USP7: variants seen among roughly 807,000 people sequenced by gnomAD.
USP7 encodes ubiquitin C-terminal hydrolase 7.
USP7 carries 9 observed loss-of-function variants against 162.9 expected under a neutral mutation model. That is an observed-to-expected ratio of 0.06 (90% confidence interval 0.03 to 0.10). The LOEUF is 0.10. Among genes scored for constraint, USP7 ranks in the 10% least tolerant of loss-of-function variants. The probability of loss-of-function intolerance (pLI) is 1.00; values close to 1 mark genes in which losing one functional copy is unlikely to be tolerated. For synonymous variants in USP7, 562 were observed against 475.9 expected, an observed-to-expected ratio of 1.18 and a Z score of -2.35; for missense variants, 715 against 1,373.7, an observed-to-expected ratio of 0.52 and a Z score of 7.58.
intron 1 of USP7, among the ~76,000 whole-genome samples, chr16:8,946,341 G>A (rs532462480): frequency 6.6e-6 from 1 of 152,176 alleles, no homozygotes; most frequent in Non-Finnish European, 1.5e-5. Context: ...AGCACTTTGA[G>A]AGGCTGAGGC....
intron 11 of USP7, among the ~76,000 whole-genome samples, chr16:8,909,912 C>T (rs1174569210): frequency 6.6e-6 from 1 of 151,892 alleles, no homozygotes; most frequent in Non-Finnish European, 1.5e-5. Context: ...GGGAACAGAC[C>T]GAGTCTCCGT....
chr16:8,930,179 C>G, intron 2 of USP7, 114 bp downstream of exon 2: 1 of 727,422 alleles, frequency 1.4e-6, no homozygotes, highest in Non-Finnish European at 2.2e-6. Flanking sequence ...CTCCTGAAAA[C>G]TAGCTACGCT....
At chr16:8,930,659 A>G (rs1242739751) in intron 1 of USP7, among the ~76,000 whole-genome samples, 1 of 152,170 alleles carries the variant, frequency 6.6e-6, no homozygotes, top group Non-Finnish European at 1.5e-5. Flanking sequence ...ATTCTGCACA[A>G]AACTTTTTAT....
At position 8,902,162 on chromosome 16, in the gene USP7, T is replaced by C; in HGVS notation, c.1967A>G (p.Asn656Ser). The stretch of plus-strand genomic sequence containing the variant: ...TGTTTCCAGGAATATTGTCCAAGGG[T>C]TTTCATTATCACTGAGCTCAATCAT... The part of the protein sequence containing the change: ...KTMIELSDNE[N>S]PWTIFLETVD... Residue 656 changes from asparagine to serine, a missense_variant, in exon 18 of 31, where the codon AAC (asparagine) becomes AGC (serine). Asn to Ser is a conservative substitution (Grantham distance 46). Around this residue, in one of 11 missense-constraint regions of USP7, gnomAD observed 197 missense variants for 306.5 expected, o/e 0.64. Transcript: ENST00000344836. 6.2e-7 allele frequency: 1 copy of C among 1,613,958 alleles called. No individual in the cohort carries two copies. Among genetic ancestry groups the C allele is most frequent in the South Asian group, 1.1e-5 (1 of 91,056 alleles).
At position 8,910,722 on chromosome 16, in the gene USP7, C is replaced by A. The variant is rs368803400; in HGVS notation, c.1161+23G>T. ...TAAAGAAGAACGCTACAACAGGACACTAGCACAAAACACTCAATTTACCTG... is the reference window on the plus strand; with the variant it reads ...TAAAGAAGAACGCTACAACAGGACAATAGCACAAAACACTCAATTTACCTG... On this transcript the variant is annotated intron_variant, in intron 11 of 30. Coordinates refer to ENST00000344836, the MANE Select transcript of USP7 (RefSeq NM_003470.3). 5.9e-5 allele frequency: 95 copies of A among 1,607,604 alleles called. 1 individual carries two copies. Among genetic ancestry groups the A allele is most frequent in the Non-Finnish European group, 7.5e-5 (88 of 1,174,980 alleles).
rs757242368 is a variant in USP7 at position 8,892,218 on chromosome 16, C to T, written c.*1780G>A. 2.6e-5 allele frequency: 4 copies of T among 152,202 alleles called. No homozygotes were observed. The highest frequency in any genetic ancestry group is 9.7e-5 in the African/African-American group (4 of 41,420). 9.4% of individuals were successfully genotyped at this position (152,202 alleles called of 1,614,324 possible). ...CCTTAATGTTTGTTCAAAGACAAAC[C>T]CACAGCGAACGGCTCTCGCACCCCT... is the stretch of plus-strand genomic sequence containing the variant. On this transcript the variant is annotated 3_prime_UTR_variant, in exon 31 of 31. Transcript: ENST00000344836.
chr16:8,895,472 G>A (rs1352265542), intron 27 of USP7, among the ~76,000 whole-genome samples, 170 bp downstream of exon 27: 1 of 152,158 alleles, frequency 6.6e-6, no homozygotes, highest in Non-Finnish European at 1.5e-5. Context: ...CCAAACTGAG[G>A]ACTAATTTCT....
chr16:8,938,409 C>T (rs948947956), intron 1 of USP7, among the ~76,000 whole-genome samples: 8 of 151,748 alleles, frequency 5.3e-5, no homozygotes, highest in African/African-American at 1.9e-4. Context: ...TTCAACAAAC[C>T]GCACATCAAA....
chr16:8,932,950 A>T (rs1898457411), intron 1 of USP7, among the ~76,000 whole-genome samples: 1 of 147,494 alleles, frequency 6.8e-6, no homozygotes, highest in African/African-American at 2.5e-5. Context: ...TTCCAATGGA[A>T]TTTTTTTTTT....
At chr16:8,927,029 G>T (rs1335187301) in intron 2 of USP7, among the ~76,000 whole-genome samples, 1 of 152,154 alleles carries the variant, frequency 6.6e-6, no homozygotes, top group African/African-American at 2.4e-5. Context: ...CAAAAAGAAA[G>T]GTAGGCCGGG....
At chr16:8,960,231 C>T (rs1270381295) in intron 1 of USP7, among the ~76,000 whole-genome samples, 2 of 152,210 alleles carry the variant, frequency 1.3e-5, no homozygotes, top group African/African-American at 4.8e-5. Flanking sequence ...TAGAAACATG[C>T]AACTGGCTGC....
At chr16:8,957,929 G>C (rs1016081438) in intron 1 of USP7, among the ~76,000 whole-genome samples, 1 of 152,006 alleles carries the variant, frequency 6.6e-6, no homozygotes, top group Admixed American at 6.6e-5. Context: ...TTACATTAAC[G>C]TTAAAAGCAA....
intron 5 of USP7, 120 bp downstream of exon 5, chr16:8,920,239 C>G (rs1897614303): frequency 4.8e-6 from 4 of 830,774 alleles, no homozygotes; most frequent in African/African-American, 1.7e-5. Context: ...TGCCACAGGG[C>G]AAGCGCAGAG....
intron 10 of USP7, 53 bp downstream of exon 10, chr16:8,915,201 A>G (rs977417778): frequency 1.0e-5 from 15 of 1,471,742 alleles, no homozygotes; most frequent in South Asian, 9.7e-5. Context: ...GAAACATTAA[A>G]ACACAGTAGA....
chr16:8,933,659 C>T (rs537941892), intron 1 of USP7, among the ~76,000 whole-genome samples: 54 of 152,176 alleles, frequency 3.5e-4, no homozygotes, highest in African/African-American at 1.3e-3. Flanking sequence ...TACAATGTTG[C>T]CCAGGTTGGT....
At chr16:8,901,270 AAC>A in intron 18 of USP7, 36 bp from the exon 19 acceptor site, 1 of 1,469,386 alleles carries the variant, frequency 6.8e-7, no homozygotes, top group South Asian at 1.1e-5. Flanking sequence ...TTAAGATCCA[AAC>A]ACTCAGCACA....
intron 1 of USP7, among the ~76,000 whole-genome samples, chr16:8,950,241 T>C (rs1899486848): frequency 6.6e-6 from 1 of 152,096 alleles, no homozygotes; most frequent in Non-Finnish European, 1.5e-5. Flanking sequence ...CTAGAAATAA[T>C]GTTATCACTC....
intron 1 of USP7, among the ~76,000 whole-genome samples, chr16:8,943,764 C>T (rs1899155159): frequency 6.6e-6 from 1 of 152,172 alleles, no homozygotes; most frequent in Non-Finnish European, 1.5e-5. Context: ...TCCTTTCACT[C>T]ATTTTGAAAT....
At chr16:8,913,295 G>A (rs1355516468) in intron 10 of USP7, among the ~76,000 whole-genome samples, 1 of 152,222 alleles carries the variant, frequency 6.6e-6, no homozygotes, top group Non-Finnish European at 1.5e-5. Context: ...GGTGGAGGTT[G>A]CAGTGAGCCG....
Sources: gnomAD v4.1 joint callset for allele counts (sites outside exome capture counted in the v4.1 genomes callset) on GRCh38, gnomAD v4.1.1 for gene constraint, gnomAD v4.1.1 regional missense constraint, MANE v1.5 for transcripts, NCBI Gene and HGNC (gene_info 2026-07-23, HGNC 2026-07-21) for gene names.